Variants in BMP2K observed in about 807,000 individuals in gnomAD.
BMP2K encodes the protein BMP-2-inducible protein kinase.
Under a neutral mutation model 116.0 loss-of-function variants are expected in BMP2K, and 74 were observed. The observed-to-expected ratio is 0.64, with a 90% CI of 0.53 to 0.77. BMP2K has a LOEUF of 0.77. Among genes scored for constraint, BMP2K ranks in the 30% least tolerant of loss-of-function variants. The probability of loss-of-function intolerance (pLI) is 0.00; values close to 1 mark genes in which losing one functional copy is unlikely to be tolerated. For missense variants in BMP2K, 1,365 were observed against 1,403.6 expected (o/e 0.97, Z 0.44); for synonymous variants, 486 against 502.5 (o/e 0.97, Z 0.44).
chr4:78,895,724 A>G (rs1733667660), intron 15 of BMP2K, among the ~76,000 whole-genome samples: 1 of 152,152 alleles, frequency 6.6e-6, no homozygotes, highest in Non-Finnish European at 1.5e-5. Context: ...CTATAATATC[A>G]TTGCCAATTG....
At chr4:78,831,652 C>T (rs1254442846) in intron 2 of BMP2K, among the ~76,000 whole-genome samples, 1 of 151,974 alleles carries the variant, frequency 6.6e-6, no homozygotes, top group Non-Finnish European at 1.5e-5. Context: ...TTTCTGTGAC[C>T]TCTGTAATTA....
intron 1 of BMP2K, among the ~76,000 whole-genome samples, chr4:78,818,240 T>C (rs944650525): frequency 4.0e-5 from 6 of 150,984 alleles, no homozygotes; most frequent in African/African-American, 1.5e-4. Context: ...TTTGGATATA[T>C]ACCCATCATA....
intron 15 of BMP2K, among the ~76,000 whole-genome samples, chr4:78,896,192 A>G (rs901165609): frequency 5.3e-5 from 8 of 152,192 alleles, no homozygotes; most frequent in Non-Finnish European, 8.8e-5. Flanking sequence ...TAATAATCCT[A>G]CTGTCACTGC....
intron 2 of BMP2K, among the ~76,000 whole-genome samples, chr4:78,830,340 A>T (rs767359123): frequency 5.8e-4 from 88 of 152,180 alleles, no homozygotes; most frequent in Non-Finnish European, 9.1e-4. Flanking sequence ...ATGTAATGTC[A>T]TTCAGGCTTT....
Position 78,776,420 on chromosome 4 carries a change from T to G in BMP2K, c.-124T>G, listed in dbSNP as rs977560873. 2.0e-6 allele frequency: 2 copies of G among 981,630 alleles called. No homozygotes were observed. The highest frequency in any genetic ancestry group is 3.5e-5 in the African/African-American group (2 of 57,270). 60.8% of individuals were successfully genotyped at this position (981,630 alleles called of 1,614,324 possible). On this transcript the variant is annotated 5_prime_UTR_variant, in exon 1 of 16. Transcript: ENST00000502613. ...GCTTGGGGAGCGCGGAATGTGAGGC[T>G]TGGCGGGCCGCAGCACGCTCGGACG...
chr4:78,834,175 G>T (rs941456742), intron 3 of BMP2K, among the ~76,000 whole-genome samples: 1 of 151,682 alleles, frequency 6.6e-6, no homozygotes, highest in African/African-American at 2.4e-5. Flanking sequence ...ATTTTATTTG[G>T]ACCTAATGTG....
At chr4:78,787,034 G>A (rs896704126) in intron 1 of BMP2K, among the ~76,000 whole-genome samples, 2 of 152,166 alleles carry the variant, frequency 1.3e-5, no homozygotes, top group Non-Finnish European at 2.9e-5. Context: ...GATTACAGGT[G>A]TGAGGCACCA....
rs1016831468 is a variant in BMP2K, at chr4:78,910,912, A to G, written c.2365A>G (p.Met789Val). ...AAATCTGGGTCATAGGCCTCTCCTC[A>G]TGGATTCTGAAGATGAGGAAGAAGA... ...PENLGHRPLL[M>V]DSEDEEEEEK... is the part of the protein sequence containing the mutation. Residue 789 changes from methionine (M) to valine (V), a missense_variant, in exon 16 of 16, where the codon ATG becomes GTG. By Grantham distance (21) the Met-to-Val change is conservative. Coordinates refer to ENST00000502613, the MANE Select transcript of BMP2K (RefSeq NM_198892.2). 1.2e-6 allele frequency: 2 copies of G among 1,613,812 alleles called. No individual in the cohort carries two copies.
At chr4:78,846,466 T>G (rs1421453979) in intron 5 of BMP2K, among the ~76,000 whole-genome samples, 1 of 151,714 alleles carries the variant, frequency 6.6e-6, no homozygotes, top group Admixed American at 6.6e-5. Context: ...ATCCAAATCT[T>G]AAATTATGCT....
intron 6 of BMP2K, among the ~76,000 whole-genome samples, chr4:78,850,108 C>G (rs1473710641): frequency 6.6e-6 from 1 of 151,654 alleles, no homozygotes; most frequent in East Asian, 1.9e-4. Context: ...CTGTAGGTGA[C>G]ACTTCTTGGG....
At chr4:78,814,649 C>T (rs1729245448) in intron 1 of BMP2K, among the ~76,000 whole-genome samples, 3 of 152,040 alleles carry the variant, frequency 2.0e-5, no homozygotes, top group South Asian at 2.1e-4. Flanking sequence ...TGTAAGTTTC[C>T]TGAGGCCTCT....
At chr4:78,781,424 ATTT>A (rs139447702) in intron 1 of BMP2K, among the ~76,000 whole-genome samples, 2 of 140,296 alleles carry the variant, frequency 1.4e-5, no homozygotes, top group African/African-American at 2.6e-5. Context: ...GAAGGAACAG[ATTT>A]TTTTTTTTTT....
rs1356275010 is a variant in BMP2K, at chr4:78,847,379, A to G, written c.750+110A>G. ...AGGCATTTCCTAATAAGTAGAAGAG[A>G]GTGATGTACAGTAGAGCTTCTTACT... On this transcript the variant is annotated intron_variant, in intron 6 of 15. Coordinates refer to ENST00000502613, the MANE Select transcript of BMP2K (RefSeq NM_198892.2). 4.0e-5 allele frequency: 22 copies of G among 544,508 alleles called. No homozygotes were observed. In the Admixed American group the frequency reaches 7.6e-4, roughly 19 times the overall value. 33.7% of individuals were successfully genotyped at this position (544,508 alleles called of 1,614,324 possible). A position where few individuals can be genotyped will look rare whatever the true frequency, so the allele number is the denominator to read the frequency against.
intron 1 of BMP2K, among the ~76,000 whole-genome samples, chr4:78,782,559 T>C (rs1294926830): frequency 6.6e-6 from 1 of 152,198 alleles, no homozygotes; most frequent in African/African-American, 2.4e-5. Flanking sequence ...GTTTTGTACT[T>C]AGGCCAGAGG....
At chr4:78,892,468 C>T (rs6830661) in intron 15 of BMP2K, among the ~76,000 whole-genome samples, 20,279 of 152,104 alleles carry the variant, frequency 0.13, 2,501 homozygotes, top group African/African-American at 0.33. Context: ...TGTGTTTTCC[C>T]CTTTTTATCA....
intron 1 of BMP2K, among the ~76,000 whole-genome samples, chr4:78,780,346 G>T (rs1051094010): frequency 6.6e-6 from 1 of 152,182 alleles, no homozygotes; most frequent in African/African-American, 2.4e-5. Flanking sequence ...TGAGATGGGT[G>T]TTGGGGGTTA....
intron 7 of BMP2K, among the ~76,000 whole-genome samples, chr4:78,855,711 A>G (rs1351104730): frequency 6.6e-6 from 1 of 152,168 alleles, no homozygotes; most frequent in African/African-American, 2.4e-5. Flanking sequence ...ATATTGTTGT[A>G]GTTTTAGTCT....
chr4:78,852,010 TAAAGA>T (rs906959157), intron 7 of BMP2K, among the ~76,000 whole-genome samples: 7 of 151,908 alleles, frequency 4.6e-5, no homozygotes, highest in Non-Finnish European at 5.9e-5. Context: ...GTGTAAATCA[TAAAGA>T]AAAGGGTAAA....
At chr4:78,854,997 A>G (rs111339154) in intron 7 of BMP2K, among the ~76,000 whole-genome samples, 1 of 152,144 alleles carries the variant, frequency 6.6e-6, no homozygotes, top group African/African-American at 2.4e-5. Flanking sequence ...GGAGCTTTTC[A>G]ATCACTGGCT....
Sources: gnomAD v4.1 joint callset for allele counts (sites outside exome capture counted in the v4.1 genomes callset) on GRCh38, gnomAD v4.1.1 for gene constraint, MANE v1.5 for transcripts, NCBI Gene and HGNC (gene_info 2026-07-23, HGNC 2026-07-21) for gene names.